Variants in ELMO1 observed in about 807,000 individuals in gnomAD.
The protein encoded by ELMO1 is engulfment and cell motility 1.
Under a neutral mutation model 98.9 loss-of-function variants are expected in ELMO1, and 26 were observed. The observed-to-expected ratio is 0.26, with a 90% CI of 0.19 to 0.36. The LOEUF (loss-of-function observed/expected upper bound fraction) is 0.36. Ranked by LOEUF, ELMO1 falls within the 10% of genes least tolerant of loss-of-function variation. The pLI, the probability that ELMO1 is intolerant of heterozygous loss-of-function variation, is 1.00. For synonymous variants in ELMO1, 346 were observed against 346.0 expected, an observed-to-expected ratio of 1.00 and a Z score of 0.00; for missense variants, 627 against 935.2, an observed-to-expected ratio of 0.67 and a Z score of 4.30.
Position 36,862,725 on chromosome 7 carries a change from C to A in ELMO1, c.1906-989G>T, listed in dbSNP as rs570261499. 2.6e-5 allele frequency among the ~76,000 whole-genome samples: 4 copies of A among 152,318 alleles called. No homozygotes were observed. The South Asian group carries it at 8.3e-4, about 32-fold the overall frequency. On this transcript the variant is annotated intron_variant, in intron 20 of 21. Coordinates refer to ENST00000310758, the MANE Select transcript of ELMO1 (RefSeq NM_014800.11). The stretch of plus-strand genomic sequence containing the variant: ...CAGCATGGAGGTTCCAGTGTGCCTT[C>A]CTTCTCTGTGCTTCTATTAGGCACC...
chr7:37,013,781 G>T (rs556609293), intron 15 of ELMO1, among the ~76,000 whole-genome samples: 2 of 152,198 alleles, frequency 1.3e-5, no homozygotes, highest in East Asian at 1.9e-4. Context: ...TATTCAAACT[G>T]CCCTCTCAGG....
chr7:36,951,230 T>C (rs942338435), intron 16 of ELMO1, among the ~76,000 whole-genome samples: 1 of 152,180 alleles, frequency 6.6e-6, no homozygotes, highest in Non-Finnish European at 1.5e-5. Context: ...GGAGTCCAGA[T>C]CAGTGCAAGG....
chr7:37,211,452 G>A lies in ELMO1; in HGVS notation c.1020C>T (p.Asn340=), dbSNP rs1425349626. The A allele has an allele frequency of 6.2e-7, 1 of 1,613,930 alleles. No homozygotes were observed. The highest frequency in any genetic ancestry group is 1.3e-5 in the African/African-American group (1 of 74,908). ...IAFDAESEPN[N]SSGSMEKRKS... ...TGCGTTTCTCCATGCTGCCACTGCT[G>A]TTGTTAGGTTCAGACTCAGCATCAA... Residue 340 remains asparagine (N), a synonymous_variant, in exon 13 of 22, where the codon AAC becomes AAT. Transcript: ENST00000310758.
chr7:37,238,699 T>G (rs1346680212), intron 7 of ELMO1, among the ~76,000 whole-genome samples: 1 of 152,204 alleles, frequency 6.6e-6, no homozygotes, highest in East Asian at 1.9e-4. Context: ...GATTACTTTA[T>G]CAAGATGAGG....
intron 1 of ELMO1, among the ~76,000 whole-genome samples, chr7:37,397,881 T>A (rs1324817077): frequency 1.3e-5 from 2 of 152,222 alleles, no homozygotes; most frequent in African/African-American, 4.8e-5. Flanking sequence ...GCCATTATCC[T>A]CAGCAAACTA....
At chr7:37,043,481 A>G (rs112458736) in intron 15 of ELMO1, among the ~76,000 whole-genome samples, 35 of 152,294 alleles carry the variant, frequency 2.3e-4, no homozygotes, top group African/African-American at 7.7e-4. Context: ...GAGGTTTTGG[A>G]GTGATGCAAA....
chr7:36,954,731 A>G (rs1698694490), intron 16 of ELMO1, among the ~76,000 whole-genome samples: 2 of 152,198 alleles, frequency 1.3e-5, no homozygotes, highest in South Asian at 4.1e-4. Flanking sequence ...CTGGATGCAC[A>G]TAACTTTTAA....
At chr7:37,245,805 A>C (rs566546637) in intron 6 of ELMO1, among the ~76,000 whole-genome samples, 7 of 152,300 alleles carry the variant, frequency 4.6e-5, no homozygotes, top group South Asian at 4.1e-4. Flanking sequence ...GAAATGCTCA[A>C]AACATAACGC....
intron 16 of ELMO1, among the ~76,000 whole-genome samples, chr7:36,903,823 T>C (rs1217986755): frequency 6.6e-6 from 1 of 152,218 alleles, no homozygotes. Flanking sequence ...CCTCCGCTTG[T>C]TACTGCCCAC....
At chr7:37,098,261 T>A (rs1275898936) in intron 14 of ELMO1, among the ~76,000 whole-genome samples, 1 of 152,196 alleles carries the variant, frequency 6.6e-6, no homozygotes, top group Non-Finnish European at 1.5e-5. Context: ...TGAGCACCTG[T>A]TATCCACCAG....
chr7:36,895,883 T>A (rs1255005394), intron 16 of ELMO1, among the ~76,000 whole-genome samples: 1 of 152,244 alleles, frequency 6.6e-6, no homozygotes, highest in Non-Finnish European at 1.5e-5. Flanking sequence ...GTAGGTGCTT[T>A]ATCTATGTTT....
At chr7:36,975,390 T>C (rs921383326) in intron 16 of ELMO1, among the ~76,000 whole-genome samples, 1 of 152,054 alleles carries the variant, frequency 6.6e-6, no homozygotes, top group African/African-American at 2.4e-5. Context: ...GAGAATTGCT[T>C]GAACCTGGGA....
intron 16 of ELMO1, among the ~76,000 whole-genome samples, chr7:36,961,933 C>T: frequency 6.6e-6 from 1 of 152,192 alleles, no homozygotes; most frequent in East Asian, 1.9e-4. Flanking sequence ...AGCAAAAAAT[C>T]CTGACTCAGC....
At chr7:36,966,198 A>G (rs1379955474) in intron 16 of ELMO1, among the ~76,000 whole-genome samples, 1 of 152,224 alleles carries the variant, frequency 6.6e-6, no homozygotes, top group East Asian at 1.9e-4. Context: ...TCAGCCATTC[A>G]TTATTGCAGA....
intron 2 of ELMO1, among the ~76,000 whole-genome samples, chr7:37,322,593 C>G (rs1049024209): frequency 5.3e-5 from 8 of 151,220 alleles, no homozygotes; most frequent in African/African-American, 1.7e-4. Context: ...TGCACTCCAG[C>G]CTGGGCGACA....
At position 37,211,588 on chromosome 7, in the gene ELMO1, C is replaced by T. The variant is rs1468482074; in HGVS notation, c.955-71G>A. Reference sequence around the variant, plus strand: ...CTTTCATTGTGTGACATTACATATACTCCCTCTTTCCCTGGGGTCTAAATG... The same window carrying T: ...CTTTCATTGTGTGACATTACATATATTCCCTCTTTCCCTGGGGTCTAAATG... On this transcript the variant is annotated intron_variant, in intron 12 of 21. Transcript: ENST00000310758. 4 of 1,554,978 alleles carry T rather than the reference C, an allele frequency of 2.6e-6. No homozygotes were observed. The African/African-American group carries it at 4.1e-5, about 16-fold the overall frequency.
At chr7:37,160,043 T>G (rs1005220784) in intron 13 of ELMO1, among the ~76,000 whole-genome samples, 1 of 152,212 alleles carries the variant, frequency 6.6e-6, no homozygotes, top group African/African-American at 2.4e-5. Flanking sequence ...TCAAGTAGGT[T>G]TGATAATTTC....
Position 37,147,020 on chromosome 7 carries a change from C to CA in ELMO1, c.1087-13787dup, listed in dbSNP as rs546038234. 1.5e-4 allele frequency among the ~76,000 whole-genome samples: 23 copies of CA among 151,752 alleles called. No homozygotes were observed. The East Asian group carries it at 4.1e-3, about 27-fold the overall frequency. On this transcript the variant is annotated intron_variant, in intron 13 of 21. Transcript: ENST00000310758. ...CTGCAGCTTTTTTCCCCTTTAGGTTCAAAAGGTCTTTGGTGACTAGGAATA... is the reference window on the plus strand; with the variant it reads ...CTGCAGCTTTTTTCCCCTTTAGGTTCAAAAAGGTCTTTGGTGACTAGGAATA...
chr7:37,364,217 C>T (rs1460233666), intron 1 of ELMO1, among the ~76,000 whole-genome samples: 5 of 152,204 alleles, frequency 3.3e-5, no homozygotes. Flanking sequence ...GAACCAAAGA[C>T]TCTAAGCAGT....
Sources: allele counts gnomAD v4.1 joint callset (sites outside exome capture counted in the v4.1 genomes callset), GRCh38; gene constraint gnomAD v4.1.1; transcripts MANE v1.5; gene names NCBI Gene and HGNC (gene_info 2026-07-23, HGNC 2026-07-21).